Variants in ARHGAP28 observed in about 807,000 individuals in gnomAD.
ARHGAP28 encodes the protein rho GTPase-activating protein 28.
ARHGAP28 carries 56 observed loss-of-function variants against 90.7 expected under a neutral mutation model. That is an observed-to-expected ratio of 0.62 (90% CI 0.50 to 0.77). The LOEUF is 0.77. Ranked by LOEUF, ARHGAP28 falls within the 30% of genes least tolerant of loss-of-function variation. The pLI is 0.00. For missense variants in ARHGAP28, 869 were observed against 900.9 expected (o/e 0.96, Z 0.45); for synonymous variants, 308 against 323.3 (o/e 0.95, Z 0.51).
rs765347479 is a variant in ARHGAP28, at chr18:6,891,847, C to A, written c.1848+1304C>A. On this transcript the variant is annotated intron_variant, in intron 14 of 17. Coordinates refer to ENST00000383472, the MANE Select transcript of ARHGAP28 (RefSeq NM_001366230.1). ...GCCTCAAGCGACCCTTCCACTTCGG[C>A]CTCCCAAAGTGCTGGGATTACAGAT... Among the ~76,000 whole-genome samples the A allele has an allele frequency of 1.7e-4, 26 of 152,274 alleles. No homozygotes were observed. The Middle Eastern group carries it at 0.01, about 60-fold the overall frequency.
At chr18:6,874,487 A>G (rs1033208616) in intron 9 of ARHGAP28, 4 of 152,192 alleles carry the variant, frequency 2.6e-5, no homozygotes, top group African/African-American at 9.7e-5. Context: ...TTTTTACCTA[A>G]GTGTGCATTT....
intron 5 of ARHGAP28, among the ~76,000 whole-genome samples, chr18:6,860,646 C>T (rs1450782988): frequency 6.6e-6 from 1 of 152,166 alleles, no homozygotes; most frequent in African/African-American, 2.4e-5. Flanking sequence ...TTTCCTCAAC[C>T]CCTGTCCATT....
chr18:6,873,819 CT>C, intron 9 of ARHGAP28, 44 bp downstream of exon 9: 1 of 1,523,784 alleles, frequency 6.6e-7, no homozygotes, highest in Non-Finnish European at 9.1e-7. Flanking sequence ...GAGCCTCATG[CT>C]TATGATTTGG....
intron 17 of ARHGAP28, among the ~76,000 whole-genome samples, chr18:6,909,250 CTT>C (rs371825988): frequency 1.7e-5 from 1 of 58,844 alleles, no homozygotes; most frequent in South Asian, 4.4e-4. Context: ...AGGCTTGGGT[CTT>C]TTCTTTTCTT....
chr18:6,827,080 T>TCTA (rs1460834387), intron 2 of ARHGAP28, among the ~76,000 whole-genome samples: 1 of 152,068 alleles, frequency 6.6e-6, no homozygotes, highest in Non-Finnish European at 1.5e-5. Context: ...GTCTCCCGTG[T>TCTA]CTACCTCTTT....
At chr18:6,837,712 T>C (rs543607151) in intron 3 of ARHGAP28, among the ~76,000 whole-genome samples, 1 of 152,210 alleles carries the variant, frequency 6.6e-6, no homozygotes, top group South Asian at 2.1e-4. Flanking sequence ...CGGGGACCCT[T>C]TACTTAAATT....
chr18:6,746,878 A>C (rs1411321449), intron 1 of ARHGAP28, among the ~76,000 whole-genome samples: 1 of 152,208 alleles, frequency 6.6e-6, no homozygotes, highest in East Asian at 1.9e-4. Context: ...GGGGTCAGCC[A>C]AGAAAGGATG....
intron 1 of ARHGAP28, among the ~76,000 whole-genome samples, chr18:6,774,880 G>C (rs1317133602): frequency 6.6e-6 from 1 of 152,166 alleles, no homozygotes; most frequent in Non-Finnish European, 1.5e-5. Context: ...TGTGTGACCT[G>C]CATCTGTCCA....
intron 1 of ARHGAP28, among the ~76,000 whole-genome samples, chr18:6,799,992 A>G (rs1246520016): frequency 1.3e-5 from 2 of 152,222 alleles, no homozygotes; most frequent in Non-Finnish European, 2.9e-5. Context: ...TCCAGAATCT[A>G]CAAAGAACCT....
intron 1 of ARHGAP28, among the ~76,000 whole-genome samples, chr18:6,822,959 C>T (rs2056635855): frequency 6.6e-6 from 1 of 152,192 alleles, no homozygotes; most frequent in African/African-American, 2.4e-5. Context: ...TCCGCTGCTG[C>T]TCAGCATGTC....
chr18:6,859,972 G>C, intron 5 of ARHGAP28, 75 bp downstream of exon 5: 1 of 1,298,322 alleles, frequency 7.7e-7, no homozygotes, highest in Non-Finnish European at 1.1e-6. Flanking sequence ...AGGAAGGTAA[G>C]AAGAAGCAAT....
At chr18:6,809,450 A>G (rs1024367022) in intron 1 of ARHGAP28, among the ~76,000 whole-genome samples, 6 of 152,138 alleles carry the variant, frequency 3.9e-5, no homozygotes, top group African/African-American at 1.4e-4. Context: ...TGGGTAATTT[A>G]TAAAGGAAAG....
At chr18:6,878,222 A>G (rs1452621980) in intron 10 of ARHGAP28, among the ~76,000 whole-genome samples, 1 of 151,842 alleles carries the variant, frequency 6.6e-6, no homozygotes, top group Non-Finnish European at 1.5e-5. Context: ...GGAAATCATC[A>G]TTCTCAGCAA....
At chr18:6,795,285 G>C (rs879411782) in intron 1 of ARHGAP28, among the ~76,000 whole-genome samples, 1 of 152,064 alleles carries the variant, frequency 6.6e-6, no homozygotes, top group African/African-American at 2.4e-5. Flanking sequence ...AGGGGTCCCT[G>C]CGAGAAAGAA....
chr18:6,834,333 G>A (rs1279696730), intron 2 of ARHGAP28: 1 of 152,110 alleles, frequency 6.6e-6, no homozygotes, highest in Non-Finnish European at 1.5e-5. Context: ...GATGAGTTCA[G>A]GGAAAAAGAG....
intron 11 of ARHGAP28, 171 bp downstream of exon 11, chr18:6,882,470 A>G (rs2057187055): frequency 7.5e-6 from 4 of 533,172 alleles, no homozygotes; most frequent in Non-Finnish European, 1.2e-5. Context: ...ATACTTATAT[A>G]CTTAAGCCTG....
At chr18:6,884,742 T>C (rs2057207336) in intron 11 of ARHGAP28, among the ~76,000 whole-genome samples, 1 of 152,222 alleles carries the variant, frequency 6.6e-6, no homozygotes, top group African/African-American at 2.4e-5. Context: ...GTGAAGTTTA[T>C]ACCAGAATTA....
chr18:6,824,697 A>T (rs2056649484), intron 1 of ARHGAP28, 65 bp from the exon 2 acceptor site: 3 of 1,330,796 alleles, frequency 2.3e-6, no homozygotes, highest in Non-Finnish European at 3.0e-6. Flanking sequence ...ATTAAATTTA[A>T]TTTTGTGGCT....
At chr18:6,873,291 A>ATGT (rs1185748652) in intron 7 of ARHGAP28, 118 bp from the exon 8 acceptor site, 14 of 803,000 alleles carry the variant, frequency 1.7e-5, no homozygotes, top group Non-Finnish European at 2.2e-5. Context: ...CTCCTTAGAG[A>ATGT]TGTTTTCCAA....
Sources: gnomAD v4.1 joint callset for allele counts (sites outside exome capture counted in the v4.1 genomes callset) on GRCh38, gnomAD v4.1.1 for gene constraint, MANE v1.5 for transcripts, NCBI Gene and HGNC (gene_info 2026-07-23, HGNC 2026-07-21) for gene names.